Variants in SERPINE2 observed in about 807,000 individuals in gnomAD.
SERPINE2 encodes glia-derived nexin.
Under a neutral mutation model 36.3 loss-of-function variants are expected in SERPINE2, and 14 were observed. The ratio of observed to expected loss-of-function variants is 0.39; its 90% confidence interval spans 0.25 to 0.60. SERPINE2 has a LOEUF of 0.60. Among genes scored for constraint, SERPINE2 ranks in the 20% least tolerant of loss-of-function variants. SERPINE2 has a pLI of 0.57. For synonymous variants in SERPINE2, 192 were observed against 191.8 expected (o/e 1.00, Z -0.01); for missense variants, 418 against 499.6 (o/e 0.84, Z 1.56).
In SERPINE2 at chr2:223,977,667, G is replaced by A. The variant is rs140467286; in HGVS notation, c.1073-40C>T. 3 of 1,401,134 alleles carry A rather than the reference G, an allele frequency of 2.1e-6. No individual in the cohort carries two copies. The African/African-American group carries it at 4.2e-5, about 20-fold the overall frequency. 86.8% of individuals were successfully genotyped at this position (1,401,134 alleles called of 1,614,324 possible). On this transcript the variant is annotated intron_variant, in intron 7 of 8. Transcript: ENST00000409304. ...GGAAAATGTGTTGTGCACATTACAT[G>A]AGACCATGTAAGCATAAGGCCAGCA...
At chr2:224,032,898 G>T (rs940267273) in intron 1 of SERPINE2, among the ~76,000 whole-genome samples, 1 of 152,176 alleles carries the variant, frequency 6.6e-6, no homozygotes, top group Non-Finnish European at 1.5e-5. Context: ...GACTTCCCTG[G>T]ACTGGGCTTA....
intron 1 of SERPINE2, among the ~76,000 whole-genome samples, chr2:224,026,222 C>A (rs992637658): frequency 6.6e-6 from 1 of 152,184 alleles, no homozygotes; most frequent in Non-Finnish European, 1.5e-5. Context: ...CATAAACACG[C>A]CCACTTCGGG....
intron 1 of SERPINE2, among the ~76,000 whole-genome samples, chr2:224,034,334 A>C (rs2106205878): frequency 6.6e-6 from 1 of 152,306 alleles, no homozygotes; most frequent in South Asian, 2.1e-4. Context: ...AATCAGCCAG[A>C]CAATGAACAC....
intron 7 of SERPINE2, chr2:223,978,681 G>T (rs1690108372): frequency 6.6e-6 from 1 of 152,168 alleles, no homozygotes. Context: ...ACCCCATGAA[G>T]TATTGAACAC....
intron 1 of SERPINE2, among the ~76,000 whole-genome samples, chr2:224,004,154 G>A (rs925948228): frequency 9.2e-5 from 14 of 152,160 alleles, no homozygotes; most frequent in African/African-American, 2.7e-4. Flanking sequence ...GTGTGGCTAA[G>A]AAAACGCTTG....
At chr2:224,019,555 C>G (rs13426097) in intron 1 of SERPINE2, among the ~76,000 whole-genome samples, 5 of 88,066 alleles carry the variant, frequency 5.7e-5, no homozygotes, top group South Asian at 3.0e-4. Flanking sequence ...ATCCTGTTCA[C>G]CATGGCACCC....
At chr2:224,000,658 G>T (rs1300668869) in intron 2 of SERPINE2, among the ~76,000 whole-genome samples, 1 of 152,004 alleles carries the variant, frequency 6.6e-6, no homozygotes, top group Admixed American at 6.6e-5. Flanking sequence ...CATGCATTAG[G>T]TATCTGTCCT....
At chr2:223,982,114 T>C (rs1690246193) in intron 6 of SERPINE2, 1 of 149,914 alleles carries the variant, frequency 6.7e-6, no homozygotes, top group Non-Finnish European at 1.5e-5. Flanking sequence ...ATGAGGTATG[T>C]ACACATCATG....
intron 8 of SERPINE2, among the ~76,000 whole-genome samples, chr2:223,976,391 A>T (rs1037644457): frequency 6.6e-6 from 1 of 152,128 alleles, no homozygotes; most frequent in Non-Finnish European, 1.5e-5. Context: ...ACCTCAGGTG[A>T]TCCACCCGCC....
At chr2:224,020,687 T>C (rs183502163) in intron 1 of SERPINE2, among the ~76,000 whole-genome samples, 30 of 152,340 alleles carry the variant, frequency 2.0e-4, no homozygotes, top group Admixed American at 1.6e-3. Flanking sequence ...AAATAGTCAA[T>C]TGTGTTCTCT....
chr2:224,021,248 A>T (rs1055372607), intron 1 of SERPINE2, among the ~76,000 whole-genome samples: 1 of 152,172 alleles, frequency 6.6e-6, no homozygotes, highest in Non-Finnish European at 1.5e-5. Context: ...GAGGTGAAGA[A>T]AGAAAGGGTG....
intron 4 of SERPINE2, among the ~76,000 whole-genome samples, chr2:223,988,065 G>A (rs901611415): frequency 1.4e-4 from 21 of 152,148 alleles, no homozygotes; most frequent in African/African-American, 4.3e-4. Flanking sequence ...AAGGGAGTTC[G>A]GGGACAGTAG....
At chr2:224,010,219 G>C (rs374528214) in intron 1 of SERPINE2, 5 of 282,830 alleles carry the variant, frequency 1.8e-5, no homozygotes, top group East Asian at 3.5e-4. Context: ...TTTCAGGTTA[G>C]TGGAGAAAGA....
chr2:224,038,868 C>A (rs977321818), intron 1 of SERPINE2: 2 of 237,684 alleles, frequency 8.4e-6, no homozygotes, highest in South Asian at 1.7e-4. Context: ...TCCCGGCGGG[C>A]GGGACCGGGA....
intron 1 of SERPINE2, among the ~76,000 whole-genome samples, chr2:224,007,000 C>CT (rs1199413259): frequency 6.6e-6 from 1 of 152,234 alleles, no homozygotes; most frequent in Non-Finnish European, 1.5e-5. Flanking sequence ...GACGAGACCC[C>CT]TTAGCCTGGA....
At chr2:223,978,401 G>A (rs1230719398) in intron 7 of SERPINE2, 1 of 152,264 alleles carries the variant, frequency 6.6e-6, no homozygotes, top group African/African-American at 2.4e-5. Context: ...TTTTGTGTCT[G>A]TGCCTTCTCC....
At chr2:223,979,691 C>T (rs1015852822) in intron 7 of SERPINE2, 3 of 152,292 alleles carry the variant, frequency 2.0e-5, no homozygotes, top group African/African-American at 7.2e-5. Context: ...GAAGGCTGTA[C>T]AGCAATCCTG....
At chr2:224,031,494 G>A (rs1692366578) in intron 1 of SERPINE2, 1 of 985,414 alleles carries the variant, frequency 1.0e-6, no homozygotes. Context: ...TGTGATTTGG[G>A]ATTCAGCCAA....
chr2:224,014,548 CGA>C (rs1691734032), intron 1 of SERPINE2, among the ~76,000 whole-genome samples: 1 of 152,134 alleles, frequency 6.6e-6, no homozygotes, highest in Non-Finnish European at 1.5e-5. Context: ...GCGCCTGGGG[CGA>C]GAGTGGGAAT....
Sources: allele counts gnomAD v4.1 joint callset (sites outside exome capture counted in the v4.1 genomes callset), GRCh38; gene constraint gnomAD v4.1.1; transcripts MANE v1.5; gene names NCBI Gene and HGNC (gene_info 2026-07-23, HGNC 2026-07-21).